PTPN4: variants seen among roughly 807,000 people sequenced by gnomAD.
The protein encoded by PTPN4 is tyrosine-protein phosphatase non-receptor type 4.
Under a neutral mutation model 135.5 loss-of-function variants are expected in PTPN4, and 49 were observed. The observed-to-expected ratio is 0.36, with a 90% CI of 0.29 to 0.46. PTPN4 has a LOEUF of 0.46. Among genes scored for constraint, PTPN4 ranks in the 20% least tolerant of loss-of-function variants. The pLI is 1.00. For missense variants in PTPN4, 860 were observed against 1,101.0 expected (o/e 0.78, Z 3.10); for synonymous variants, 333 against 369.9 (o/e 0.90, Z 1.14).
rs763728268 is a variant in PTPN4 at position 119,960,876 on chromosome 2, A to G, written c.2203A>G (p.Thr735Ala). The G allele has an allele frequency of 3.1e-6, 5 of 1,613,938 alleles. No homozygotes were observed. The Admixed American group carries it at 8.3e-5, about 27-fold the overall frequency. ...TCAAGGGCCATTACCACACACTTGT[A>G]CAGATTTTTGGCAGATGACTTGGGA... ...ACQGPLPHTC[T>A]DFWQMTWEQG... Residue 735 changes from threonine (T) to alanine (A), a missense_variant, in exon 23 of 27, where the codon ACA becomes GCA. Around this residue, in one of 2 missense-constraint regions of PTPN4, gnomAD observed 176 missense variants for 294.1 expected, o/e 0.60. Coordinates refer to ENST00000263708, the MANE Select transcript of PTPN4 (RefSeq NM_002830.4).
chr2:119,977,244 A>C lies in PTPN4; in HGVS notation c.*174A>C, dbSNP rs1352013541. On this transcript the variant is annotated 3_prime_UTR_variant, in exon 27 of 27. Transcript: ENST00000263708. Reference sequence around the variant, plus strand: ...TGTTTTAAAAAATGTCACTCTTTCAAAATCTATAACTCATGTATTTGAAGA... The same window carrying C: ...TGTTTTAAAAAATGTCACTCTTTCACAATCTATAACTCATGTATTTGAAGA... 4 of 1,077,360 alleles carry C rather than the reference A, an allele frequency of 3.7e-6. No homozygotes were observed. Among genetic ancestry groups the C allele is most frequent in the Non-Finnish European group, 4.9e-6 (4 of 822,088 alleles). 66.7% of individuals were successfully genotyped at this position (1,077,360 alleles called of 1,614,324 possible).
chr2:119,905,425 G>A (rs1242323964), intron 10 of PTPN4, among the ~76,000 whole-genome samples: 1 of 152,138 alleles, frequency 6.6e-6, no homozygotes, highest in East Asian at 1.9e-4. Flanking sequence ...TCAGCGAAAG[G>A]ATATAACAAT....
At chr2:119,770,209 A>G (rs1201816511) in intron 1 of PTPN4, among the ~76,000 whole-genome samples, 1 of 152,226 alleles carries the variant, frequency 6.6e-6, no homozygotes, top group Non-Finnish European at 1.5e-5. Context: ...CTTCAGAGGA[A>G]CTTGAAATCT....
intron 9 of PTPN4, among the ~76,000 whole-genome samples, chr2:119,892,703 G>A (rs1026737715): frequency 2.0e-5 from 3 of 151,564 alleles, no homozygotes; most frequent in African/African-American, 7.3e-5. Context: ...GAACTTTTAA[G>A]ACTTTTTTTT....
At chr2:119,847,394 C>G (rs1677520914) in intron 2 of PTPN4, among the ~76,000 whole-genome samples, 1 of 146,958 alleles carries the variant, frequency 6.8e-6, no homozygotes, top group Non-Finnish European at 1.5e-5. Context: ...ATGGCGTGAT[C>G]TCAGCTCACT....
intron 24 of PTPN4, among the ~76,000 whole-genome samples, chr2:119,964,660 C>T (rs977530647): frequency 1.3e-5 from 2 of 152,066 alleles, no homozygotes; most frequent in African/African-American, 2.4e-5. Flanking sequence ...ATACTTTACA[C>T]ATATAGAAAT....
chr2:119,938,253 G>A (rs935763979), intron 15 of PTPN4, among the ~76,000 whole-genome samples: 33 of 149,726 alleles, frequency 2.2e-4, no homozygotes, highest in African/African-American at 7.4e-4. Context: ...TTAGCCTCCC[G>A]AGTAGCTGGG....
chr2:119,790,233 G>GT (rs1489627350), intron 1 of PTPN4, among the ~76,000 whole-genome samples: 1 of 151,784 alleles, frequency 6.6e-6, no homozygotes, highest in Non-Finnish European at 1.5e-5. Flanking sequence ...GATCTAGTTG[G>GT]TTTATAATGT....
intron 2 of PTPN4, among the ~76,000 whole-genome samples, chr2:119,819,918 T>C (rs1275271335): frequency 6.6e-6 from 1 of 152,198 alleles, no homozygotes; most frequent in Non-Finnish European, 1.5e-5. Flanking sequence ...TGGAATGTGG[T>C]AGTACCACCA....
At chr2:119,896,310 A>T (rs886084962) in intron 9 of PTPN4, among the ~76,000 whole-genome samples, 3 of 152,088 alleles carry the variant, frequency 2.0e-5, no homozygotes, top group Non-Finnish European at 4.4e-5. Flanking sequence ...AGTAACTGAG[A>T]TCTCTCTTTT....
intron 9 of PTPN4, among the ~76,000 whole-genome samples, chr2:119,895,575 G>A (rs972131299): frequency 6.6e-6 from 1 of 152,050 alleles, no homozygotes; most frequent in Non-Finnish European, 1.5e-5. Flanking sequence ...GGGAGCGGAG[G>A]TTGCAGTGAG....
chr2:119,912,953 T>C (rs1207556363), intron 10 of PTPN4, among the ~76,000 whole-genome samples: 2 of 152,198 alleles, frequency 1.3e-5, no homozygotes, highest in African/African-American at 4.8e-5. Context: ...ATGCCTATTC[T>C]ATATATTCTA....
rs72838995 is a variant in PTPN4, at chr2:119,921,704, G to A, written c.1001+1463G>A. Among the ~76,000 whole-genome samples the A allele has an allele frequency of 8.5e-3, 1,291 of 151,712 alleles. 12 individuals are homozygous for A. Among genetic ancestry groups the A allele is most frequent in the Non-Finnish European group, 0.013 (904 of 67,940 alleles). On this transcript the variant is annotated intron_variant, in intron 12 of 26. Transcript: ENST00000263708. ...CAAATTTAAAAGCAAATAGATGGAA[G>A]GAGAGAGTATCAGATCTATAATGAA...
intron 2 of PTPN4, 95 bp from the exon 3 acceptor site, chr2:119,862,441 G>C: frequency 8.8e-7 from 1 of 1,131,094 alleles, no homozygotes; most frequent in South Asian, 1.4e-5. Flanking sequence ...GCATAAATGG[G>C]TTAATAGATG....
chr2:119,786,228 C>G (rs1691045213), intron 1 of PTPN4, among the ~76,000 whole-genome samples: 4 of 152,074 alleles, frequency 2.6e-5, no homozygotes, highest in Admixed American at 1.3e-4. Context: ...AGATACTTCA[C>G]CTTCTGCTTA....
chr2:119,805,638 A>T (rs1364149635), intron 1 of PTPN4, among the ~76,000 whole-genome samples: 1 of 152,164 alleles, frequency 6.6e-6, no homozygotes, highest in Admixed American at 6.5e-5. Context: ...CCATTGGTCT[A>T]TCTCTCTGTT....
chr2:119,839,863 A>G (rs1328647414), intron 2 of PTPN4, among the ~76,000 whole-genome samples: 2 of 152,150 alleles, frequency 1.3e-5, no homozygotes, highest in Admixed American at 6.5e-5. Flanking sequence ...CTTAGAGAGT[A>G]AGTTGTATTG....
chr2:119,842,970 C>T (rs1433037634), intron 2 of PTPN4, among the ~76,000 whole-genome samples: 1 of 152,116 alleles, frequency 6.6e-6, no homozygotes, highest in Admixed American at 6.5e-5. Flanking sequence ...AGCTGTGAGA[C>T]TTCATAGATG....
At position 119,977,080 on chromosome 2, in the gene PTPN4, A is replaced by C; in HGVS notation, c.*10A>C. ...ATCAACAAATAAATAAGAAAGCAAA[A>C]AGATCTGGGATATGTGTTGGAAAAC... On this transcript the variant is annotated 3_prime_UTR_variant, in exon 27 of 27. Coordinates refer to ENST00000263708, the MANE Select transcript of PTPN4 (RefSeq NM_002830.4). 1 of 1,591,038 alleles carries C rather than the reference A, an allele frequency of 6.3e-7. No homozygotes were observed. Among genetic ancestry groups the C allele is most frequent in the Non-Finnish European group, 8.5e-7 (1 of 1,173,198 alleles).
Sources: allele counts gnomAD v4.1 joint callset (sites outside exome capture counted in the v4.1 genomes callset), GRCh38; gene constraint gnomAD v4.1.1; regional missense constraint gnomAD v4.1.1; transcripts MANE v1.5; gene names NCBI Gene and HGNC (gene_info 2026-07-23, HGNC 2026-07-21).